The following SHANK1 variants were observed in gnomAD, a reference collection of about 807,000 sequenced individuals.
The protein encoded by SHANK1 is SH3 and multiple ankyrin repeat domains 1, also known as SH3 and multiple ankyrin repeat domains protein 1.
Under a neutral mutation model 165.6 loss-of-function variants are expected in SHANK1, and 35 were observed. The observed-to-expected ratio is 0.21, with a 90% CI of 0.16 to 0.28. SHANK1 has a LOEUF of 0.28. SHANK1 is among the 10% of genes least tolerant of loss of function. The pLI is 1.00. For missense variants in SHANK1, 2,681 were observed against 3,036.4 expected, an observed-to-expected ratio of 0.88 and a Z score of 2.75; for synonymous variants, 1,428 against 1,384.8, an observed-to-expected ratio of 1.03 and a Z score of -0.69.
rs746811664 is a variant in SHANK1 at position 50,669,311 on chromosome 19, G to A, written c.2675-26C>T. Reference sequence around the variant, plus strand: ...CTGGGGAGATACAGAGGCTCAAGGAGGGGGACCCTGGCGGGGAGGGTCTCC... The same window carrying A: ...CTGGGGAGATACAGAGGCTCAAGGAAGGGGACCCTGGCGGGGAGGGTCTCC... On this transcript the variant is annotated intron_variant, in intron 22 of 23. Coordinates refer to ENST00000293441, the MANE Select transcript of SHANK1 (RefSeq NM_016148.5). The A allele has an allele frequency of 9.9e-5, 153 of 1,537,880 alleles. 1 individual carries two copies. The South Asian group carries it at 1.7e-3, about 17-fold the overall frequency.
Position 50,686,614 on chromosome 19 carries a change from G to A in SHANK1, c.2458+130C>T. Reference sequence around the variant, plus strand: ...GTCGGGAGAGGGCGGGCGGAGGGAGGGGAGGTGGGATCGCAGCCTCTCTGG... The same window carrying A: ...GTCGGGAGAGGGCGGGCGGAGGGAGAGGAGGTGGGATCGCAGCCTCTCTGG... On this transcript the variant is annotated intron_variant, in intron 20 of 23. Transcript: ENST00000293441. This position sits in a 1 kb window ranked among gnomAD's most constrained non-coding sequence, Gnocchi z 5.7. 1 of 861,044 alleles carries A rather than the reference G, an allele frequency of 1.2e-6. No individual in the cohort carries two copies. The highest frequency in any genetic ancestry group is 1.8e-6 in the Non-Finnish European group (1 of 552,586). 53.3% of individuals were successfully genotyped at this position (861,044 alleles called of 1,614,324 possible).
intron 21 of SHANK1, among the ~76,000 whole-genome samples, chr19:50,675,660 T>C (rs1985953240): frequency 6.6e-6 from 1 of 152,044 alleles, no homozygotes; most frequent in Non-Finnish European, 1.5e-5. Context: ...AAATATAACA[T>C]TGGTCAGATG....
At position 50,669,014 on chromosome 19, in the gene SHANK1, G is replaced by T; in HGVS notation, c.2946C>A (p.Ser982Arg). 1.2e-6 allele frequency: 1 copy of T among 839,662 alleles called. No homozygotes were observed. The highest frequency in any genetic ancestry group is 1.8e-6 in the Non-Finnish European group (1 of 559,210). The allele number at this position is 839,662 out of a possible 1,614,324, so 52.0% of individuals were successfully genotyped here. ...CACTGTGGTACAGGCTCTTCTCGCGGCTCCCCACGCGAGTGTCGGGAGGGG... is the reference window on the plus strand; with the variant it reads ...CACTGTGGTACAGGCTCTTCTCGCGTCTCCCCACGCGAGTGTCGGGAGGGG... ...GPSPPDTRVGSREKSLYHSGP... is the reference protein window; with the variant it reads ...GPSPPDTRVGRREKSLYHSGP... Residue 982 changes from serine (S) to arginine (R), a missense_variant, in exon 23 of 24, where the codon AGC becomes AGA. Ser to Arg is a moderately radical substitution (Grantham distance 110, BLOSUM62 -1). Coordinates refer to ENST00000293441, the MANE Select transcript of SHANK1 (RefSeq NM_016148.5).
intron 21 of SHANK1, among the ~76,000 whole-genome samples, chr19:50,684,144 A>G (rs759395335): frequency 2.6e-5 from 4 of 152,208 alleles, no homozygotes; most frequent in Non-Finnish European, 4.4e-5. Flanking sequence ...AGTTGAGGAT[A>G]GAAGAAGATC....
intron 21 of SHANK1, among the ~76,000 whole-genome samples, chr19:50,679,768 A>G (rs1986112612): frequency 6.6e-6 from 1 of 152,126 alleles, no homozygotes. Context: ...AGATGGGGGG[A>G]CAGAGATAGA....
In SHANK1 at chr19:50,686,837, G is replaced by A. The variant is rs375692059; in HGVS notation, c.2390-25C>T. 2 of 1,612,652 alleles carry A rather than the reference G, an allele frequency of 1.2e-6. No homozygotes were observed. The highest frequency in any genetic ancestry group is 2.2e-5 in the South Asian group (2 of 91,022). On this transcript the variant is annotated intron_variant, in intron 19 of 23. Coordinates refer to ENST00000293441, the MANE Select transcript of SHANK1 (RefSeq NM_016148.5). This position sits in a 1 kb window ranked among gnomAD's most constrained non-coding sequence, Gnocchi z 5.7. ...TCTGTGGGCAAAGAACACGGATGAC[G>A]CCCAGGGAGCCCCCGGGGGCGGGGC...
chr19:50,702,690 G>T lies in SHANK1; in HGVS notation c.1554-30C>A. 1 of 1,476,048 alleles carries T rather than the reference G, an allele frequency of 6.8e-7. No individual in the cohort carries two copies. The highest frequency in any genetic ancestry group is 9.1e-7 in the Non-Finnish European group (1 of 1,095,206). The allele number at this position is 1,476,048 out of a possible 1,614,324, so 91.4% of individuals were successfully genotyped here. A position where few individuals can be genotyped will look rare whatever the true frequency, so the allele number is the denominator to read the frequency against. ...GTACACAGAGGGCATGAGAGGAGGG[G>T]AGGGTGGAGGGAGGGGACACCTCTG... On this transcript the variant is annotated intron_variant, in intron 11 of 23. Transcript: ENST00000293441. The surrounding 1 kb of genome is among the most constrained non-coding windows in gnomAD (Gnocchi z 5.3).
At chr19:50,684,553 G>A (rs1056176386) in intron 21 of SHANK1, among the ~76,000 whole-genome samples, 4 of 152,056 alleles carry the variant, frequency 2.6e-5, no homozygotes, top group Non-Finnish European at 2.9e-5. Context: ...ATAAAAGTAC[G>A]AGCCCCTCCA....
At chr19:50,689,669 C>A (rs1343204540) in intron 15 of SHANK1, among the ~76,000 whole-genome samples, 3 of 152,114 alleles carry the variant, frequency 2.0e-5, no homozygotes, top group Non-Finnish European at 4.4e-5. Flanking sequence ...TGCCTCAGTT[C>A]CCTCATCTAT....
chr19:50,704,242 G>A lies in SHANK1; in HGVS notation c.1156-56C>T, dbSNP rs1029922454. Reference sequence around the variant, plus strand: ...AGGGGGGCCCAGGCAGCAGAGAGAGGGCAGGGAACGTGGCGAGGTCCCTGG... The same window carrying A: ...AGGGGGGCCCAGGCAGCAGAGAGAGAGCAGGGAACGTGGCGAGGTCCCTGG... On this transcript the variant is annotated intron_variant, in intron 9 of 23. Transcript: ENST00000293441. 3.8e-6 allele frequency: 6 copies of A among 1,562,510 alleles called. No individual in the cohort carries two copies. The African/African-American group carries it at 6.8e-5, about 18-fold the overall frequency.
intron 21 of SHANK1, among the ~76,000 whole-genome samples, chr19:50,685,565 A>G (rs1317334771): frequency 6.6e-6 from 1 of 152,066 alleles, no homozygotes; most frequent in Non-Finnish European, 1.5e-5. Flanking sequence ...CTCTATTAAA[A>G]ATACAAAAAT....
Position 50,697,669 on chromosome 19 carries a change from A to T in SHANK1, c.1862-5T>A. The stretch of plus-strand genomic sequence containing the variant: ...TTGCCTTGTCACTGCGGCTTTCTGC[A>T]GGGTGACAACAGACAACCTTGGACT... On this transcript the variant is annotated splice_polypyrimidine_tract_variant and splice_region_variant and intron_variant, in intron 13 of 23. Coordinates refer to ENST00000293441, the MANE Select transcript of SHANK1 (RefSeq NM_016148.5). The surrounding 1 kb of genome is among the most constrained non-coding windows in gnomAD (Gnocchi z 4.7). 6.2e-7 allele frequency: 1 copy of T among 1,613,702 alleles called. No individual in the cohort carries two copies. The highest frequency in any genetic ancestry group is 8.5e-7 in the Non-Finnish European group (1 of 1,179,746).
intron 15 of SHANK1, among the ~76,000 whole-genome samples, chr19:50,695,611 C>G (rs183167098): frequency 1.4e-4 from 21 of 151,072 alleles, no homozygotes; most frequent in Non-Finnish European, 2.4e-4. Flanking sequence ...CACAAGATGC[C>G]TCGCAGCCGC....
Position 50,660,635 on chromosome 19 carries a change from G to A in SHANK1, c.*1330C>T, listed in dbSNP as rs971322760. On this transcript the variant is annotated 3_prime_UTR_variant, in exon 24 of 24. Coordinates refer to ENST00000293441, the MANE Select transcript of SHANK1 (RefSeq NM_016148.5). ...GTAGAGCTCTCATCCAGGTAGAAAAGACAAGATGCGGTGTGCAGCCATGTC... is the reference window on the plus strand; with the variant it reads ...GTAGAGCTCTCATCCAGGTAGAAAAAACAAGATGCGGTGTGCAGCCATGTC... Among the ~76,000 whole-genome samples, 2 of 145,734 alleles carry A rather than the reference G, an allele frequency of 1.4e-5. No individual in the cohort carries two copies. The highest frequency in any genetic ancestry group is 3.0e-5 in the Non-Finnish European group (2 of 66,938).
intron 8 of SHANK1, among the ~76,000 whole-genome samples, chr19:50,710,013 A>G (rs1268063991): frequency 3.9e-5 from 6 of 152,290 alleles, no homozygotes; most frequent in Non-Finnish European, 8.8e-5. Context: ...ACCCTCGTCA[A>G]TAAGAGCTGG....
chr19:50,692,566 T>G (rs1986575037), intron 15 of SHANK1, among the ~76,000 whole-genome samples: 1 of 150,790 alleles, frequency 6.6e-6, no homozygotes, highest in African/African-American at 2.5e-5. Flanking sequence ...AACCACCCCC[T>G]ATCCTACACA....
At chr19:50,703,971 T>C (rs2088904754) in intron 10 of SHANK1, 141 bp from the exon 11 acceptor site, 1 of 828,880 alleles carries the variant, frequency 1.2e-6, no homozygotes, top group African/African-American at 1.7e-5. Context: ...CTGGAATTGC[T>C]CCCCCACCAC....
chr19:50,704,610 T>TAA, intron 8 of SHANK1, 96 bp from the exon 9 acceptor site: 2 of 1,097,116 alleles, frequency 1.8e-6, no homozygotes, highest in Middle Eastern at 2.0e-4. Context: ...GCCTCAGGAA[T>TAA]AAATACTCCA....
intron 8 of SHANK1, among the ~76,000 whole-genome samples, chr19:50,704,761 A>G (rs11673478): frequency 0.12 from 17,903 of 152,256 alleles, 1,313 homozygotes; most frequent in South Asian, 0.17. Context: ...GCCATATGAA[A>G]ACAAGAAAGA....
Sources: allele counts gnomAD v4.1 joint callset (sites outside exome capture counted in the v4.1 genomes callset), GRCh38; gene constraint gnomAD v4.1.1; non-coding constraint Gnocchi (gnomAD v3.1); transcripts MANE v1.5; gene names NCBI Gene and HGNC (gene_info 2026-07-23, HGNC 2026-07-21).